ATP8A2: variants seen among roughly 807,000 people sequenced by gnomAD.
ATP8A2 encodes the protein phospholipid-transporting ATPase IB.
Under a neutral mutation model 165.6 loss-of-function variants are expected in ATP8A2, and 100 were observed. That is an observed-to-expected ratio of 0.60 (90% CI 0.51 to 0.71). The LOEUF is 0.71. Among genes scored for constraint, ATP8A2 ranks in the 30% least tolerant of loss-of-function variants. The probability of loss-of-function intolerance (pLI) is 0.00; values close to 1 mark genes in which losing one functional copy is unlikely to be tolerated. For synonymous variants in ATP8A2, 543 were observed against 548.8 expected (o/e 0.99, Z 0.15); for missense variants, 1,227 against 1,479.5 (o/e 0.83, Z 2.80).
chr13:25,768,678 C>T (rs2044547868), intron 25 of ATP8A2, among the ~76,000 whole-genome samples: 1 of 152,154 alleles, frequency 6.6e-6, no homozygotes, highest in South Asian at 2.1e-4. Flanking sequence ...GAGGTCTGTG[C>T]TGGTTTTCTG....
At chr13:25,771,097 A>C (rs575712106) in intron 26 of ATP8A2, among the ~76,000 whole-genome samples, 3 of 152,272 alleles carry the variant, frequency 2.0e-5, no homozygotes, top group Non-Finnish European at 4.4e-5. Context: ...AAGTGCATGC[A>C]ATCAATCTTC....
intron 25 of ATP8A2, among the ~76,000 whole-genome samples, chr13:25,743,541 G>A (rs1384600260): frequency 2.0e-5 from 3 of 152,226 alleles, no homozygotes; most frequent in South Asian, 4.1e-4. Context: ...CCCTTTGTGG[G>A]TGGTCACTAA....
At chr13:25,746,033 T>A (rs1260808989) in intron 25 of ATP8A2, among the ~76,000 whole-genome samples, 1 of 152,250 alleles carries the variant, frequency 6.6e-6, no homozygotes, top group Non-Finnish European at 1.5e-5. Flanking sequence ...CTCGTTGATC[T>A]GCAGTGAGCC....
intron 1 of ATP8A2, among the ~76,000 whole-genome samples, chr13:25,435,952 A>AGTGT (rs1448353061): frequency 0.019 from 758 of 40,666 alleles, 4 homozygotes; most frequent in African/African-American, 0.04. Flanking sequence ...TGTGTGTGTG[A>AGTGT]GTGTGTGTGT....
At chr13:25,558,776 A>G (rs2039056749) in intron 13 of ATP8A2, among the ~76,000 whole-genome samples, 197 bp from the exon 14 acceptor site, 1 of 152,246 alleles carries the variant, frequency 6.6e-6, no homozygotes, top group South Asian at 2.1e-4. Context: ...CTTTGATTAT[A>G]TAATTAGTTA....
At chr13:25,413,430 C>T (rs1351740377) in intron 1 of ATP8A2, among the ~76,000 whole-genome samples, 1 of 151,170 alleles carries the variant, frequency 6.6e-6, no homozygotes, top group African/African-American at 2.4e-5. Context: ...TACAGGCGCC[C>T]ACCCCCACAC....
At chr13:25,622,971 G>T (rs1056892151) in intron 24 of ATP8A2, among the ~76,000 whole-genome samples, 1 of 152,170 alleles carries the variant, frequency 6.6e-6, no homozygotes, top group African/African-American at 2.4e-5. Flanking sequence ...AAGTCCAGTA[G>T]AAATCTTCAT....
intron 1 of ATP8A2, among the ~76,000 whole-genome samples, chr13:25,403,057 T>C (rs1261692552): frequency 6.6e-6 from 1 of 152,238 alleles, no homozygotes. Flanking sequence ...AGAGACCTCA[T>C]GACCTAACCA....
At chr13:25,949,830 C>T (rs569845136) in intron 33 of ATP8A2, among the ~76,000 whole-genome samples, 12 of 152,240 alleles carry the variant, frequency 7.9e-5, no homozygotes, top group East Asian at 5.8e-4. Context: ...GACAGGGTCT[C>T]GCTCTGTCAC....
intron 2 of ATP8A2, among the ~76,000 whole-genome samples, chr13:25,481,131 C>G (rs1593375800): frequency 1.1e-5 from 1 of 88,060 alleles, no homozygotes. Context: ...GGCTCGGCAT[C>G]AGAGGGAGAC....
rs1286906947 is a variant in ATP8A2 at position 25,559,031 on chromosome 13, A to G, written c.1322A>G (p.Lys441Arg). The G allele has an allele frequency of 1.2e-6, 2 of 1,612,896 alleles. No homozygotes were observed. The highest frequency in any genetic ancestry group is 2.2e-5 in the South Asian group (2 of 90,840). Residue 441 changes from lysine (K) to arginine (R), a missense_variant, in exon 14 of 37, where the codon AAG becomes AGG. By Grantham distance (26) the Lys-to-Arg change is conservative (BLOSUM62 2). Around this residue, in one of 5 missense-constraint regions of ATP8A2, gnomAD observed 592 missense variants for 785.6 expected, o/e 0.75. Transcript: ENST00000381655. ...GTLTCNIMNF[K>R]KCSIAGVTYG... is the part of the protein sequence containing the mutation. ...CTTACATGCAATATCATGAACTTTA[A>G]GAAGTGCAGCATTGCCGGAGTAACC...
chr13:25,716,659 G>A (rs914016143), intron 25 of ATP8A2, among the ~76,000 whole-genome samples: 3 of 152,162 alleles, frequency 2.0e-5, no homozygotes, highest in Admixed American at 1.3e-4. Context: ...TAAAGGAGTA[G>A]CGATGAGAAT....
At chr13:25,774,336 A>C (rs143803325) in intron 26 of ATP8A2, among the ~76,000 whole-genome samples, 13 of 152,202 alleles carry the variant, frequency 8.5e-5, no homozygotes, top group African/African-American at 2.9e-4. Context: ...ACATGTCCTC[A>C]CTTATAAGTG....
chr13:25,826,589 G>A (rs1951320613), intron 27 of ATP8A2, among the ~76,000 whole-genome samples: 1 of 152,150 alleles, frequency 6.6e-6, no homozygotes, highest in African/African-American at 2.4e-5. Flanking sequence ...TACCAGAGTT[G>A]ACCTCAACTC....
chr13:25,804,700 C>T (rs1429348370), intron 27 of ATP8A2, among the ~76,000 whole-genome samples: 3 of 152,084 alleles, frequency 2.0e-5, no homozygotes, highest in African/African-American at 7.2e-5. Flanking sequence ...GAAGGGGCTC[C>T]TCCAGGAGAG....
intron 28 of ATP8A2, among the ~76,000 whole-genome samples, chr13:25,830,368 C>A (rs916960293): frequency 7.9e-5 from 12 of 152,128 alleles, no homozygotes; most frequent in Admixed American, 2.6e-4. Flanking sequence ...GTTTTTCTGT[C>A]CCCTAAACTA....
At position 25,890,257 on chromosome 13, in the gene ATP8A2, A is replaced by G. The variant is rs75600929; in HGVS notation, c.3183+27849A>G. ...AGCTGAAAACTAGCAGCTTCCAAATATATATCTTTAGCACAACACTTTATA... is the reference window on the plus strand; with the variant it reads ...AGCTGAAAACTAGCAGCTTCCAAATGTATATCTTTAGCACAACACTTTATA... On this transcript the variant is annotated intron_variant, in intron 33 of 36. Transcript: ENST00000381655. 0.013 allele frequency among the ~76,000 whole-genome samples: 2,008 copies of G among 152,310 alleles called. 117 individuals are homozygous for G. The East Asian group carries it at 0.16, about 12-fold the overall frequency.
intron 33 of ATP8A2, 74 bp downstream of exon 33, chr13:25,862,482 G>A (rs1952388233): frequency 1.7e-6 from 2 of 1,147,188 alleles, no homozygotes; most frequent in African/African-American, 1.5e-5. Context: ...GGGTGAGCAG[G>A]CACTGTGTGT....
intron 33 of ATP8A2, among the ~76,000 whole-genome samples, chr13:25,936,200 G>A (rs1258253679): frequency 1.3e-5 from 2 of 152,204 alleles, no homozygotes; most frequent in Non-Finnish European, 2.9e-5. Context: ...GGTTTGAACT[G>A]GAGCCTTGCA....
Sources: gnomAD v4.1 joint callset for allele counts (sites outside exome capture counted in the v4.1 genomes callset) on GRCh38, gnomAD v4.1.1 for gene constraint, gnomAD v4.1.1 regional missense constraint, MANE v1.5 for transcripts, NCBI Gene and HGNC (gene_info 2026-07-23, HGNC 2026-07-21) for gene names.